PDE1C: variants seen among roughly 807,000 people sequenced by gnomAD.
PDE1C encodes the protein dual specificity calcium/calmodulin-dependent 3',5'-cyclic nucleotide phosphodiesterase 1C.
In PDE1C, 62 loss-of-function variants were observed where a neutral mutation model predicts 93.1. That is an observed-to-expected ratio of 0.67 (90% CI 0.54 to 0.82). PDE1C has a LOEUF of 0.82. Ranked by LOEUF, PDE1C falls within the 40% of genes least tolerant of loss-of-function variation. The pLI, the probability that PDE1C is intolerant of heterozygous loss-of-function variation, is 0.00. For missense variants in PDE1C, 742 were observed against 884.6 expected, an observed-to-expected ratio of 0.84 and a Z score of 2.04; for synonymous variants, 325 against 310.1, an observed-to-expected ratio of 1.05 and a Z score of -0.50.
At chr7:32,174,746 G>A (rs1802874151) in intron 2 of PDE1C, among the ~76,000 whole-genome samples, 1 of 152,130 alleles carries the variant, frequency 6.6e-6, no homozygotes, top group South Asian at 2.1e-4. Flanking sequence ...GCAAGGTTGT[G>A]GTGACACAGC....
exon 1 of PDE1C, chr7:32,298,800 G>T: frequency 6.5e-7 from 1 of 1,532,180 alleles, no homozygotes; most frequent in Non-Finnish European, 8.7e-7. Context: ...CCCCCACGGC[G>T]GAGTGAGCAG....
the PDE1C span, among the ~76,000 whole-genome samples, chr7:31,692,085 C>A: frequency 6.6e-6 from 1 of 152,194 alleles, no homozygotes; most frequent in Non-Finnish European, 1.5e-5. Context: ...TGACTCTCAG[C>A]TAATTCACTT....
intron 3 of PDE1C, among the ~76,000 whole-genome samples, chr7:32,103,584 A>G (rs1281229195): frequency 6.6e-6 from 1 of 152,214 alleles, no homozygotes; most frequent in Non-Finnish European, 1.5e-5. Context: ...AAGTTGCTCA[A>G]CTGCCCTACA....
At chr7:32,332,465 T>A (rs1216976657) in intron 1 of PDE1C, among the ~76,000 whole-genome samples, 4 of 151,836 alleles carry the variant, frequency 2.6e-5, no homozygotes, top group African/African-American at 4.9e-5. Context: ...TTTTTTTTTT[T>A]AATTTGGCTT....
At chr7:32,067,564 C>T (rs190657001) in intron 1 of PDE1C, among the ~76,000 whole-genome samples, 30 of 152,234 alleles carry the variant, frequency 2.0e-4, no homozygotes, top group Non-Finnish European at 3.4e-4. Flanking sequence ...CTGGTAAAGA[C>T]TACCTCTCAC....
At chr7:32,308,384 G>C (rs957151021) in intron 1 of PDE1C, among the ~76,000 whole-genome samples, 10 of 152,254 alleles carry the variant, frequency 6.6e-5, no homozygotes, top group African/African-American at 2.2e-4. Context: ...GAAGAGAGTA[G>C]TGGTTCTCCC....
intron 3 of PDE1C, among the ~76,000 whole-genome samples, chr7:32,148,409 T>G (rs1801041246): frequency 6.6e-6 from 1 of 152,192 alleles, no homozygotes; most frequent in African/African-American, 2.4e-5. Flanking sequence ...TAATTTACAC[T>G]TACAGTGTAT....
chr7:32,006,707 G>A (rs538863641), intron 2 of PDE1C, among the ~76,000 whole-genome samples: 4 of 152,246 alleles, frequency 2.6e-5, no homozygotes, highest in African/African-American at 7.2e-5. Flanking sequence ...GGCAAGCTGG[G>A]TATGGAAGAA....
At chr7:32,336,559 G>A (rs1562679790) in intron 1 of PDE1C, among the ~76,000 whole-genome samples, 1 of 152,080 alleles carries the variant, frequency 6.6e-6, no homozygotes, top group Admixed American at 6.5e-5. Context: ...TCTCTTAACT[G>A]GGAGTTCACT....
At position 32,147,883 on chromosome 7, in the gene PDE1C, G is replaced by A. The variant is rs180746077; in HGVS notation, c.308+21902C>T. ...CTGATGCCATTGGGAGTTGGGGGAAGCCATTATACTCCCTAATAACAGGCC... is the reference window on the plus strand; with the variant it reads ...CTGATGCCATTGGGAGTTGGGGGAAACCATTATACTCCCTAATAACAGGCC... On this transcript the variant is annotated intron_variant, in intron 3 of 18. Coordinates refer to the PDE1C transcript ENST00000396193. Among the ~76,000 whole-genome samples the A allele has an allele frequency of 1.6e-3, 234 of 147,062 alleles. 1 individual carries two copies. Among genetic ancestry groups the A allele is most frequent in the Non-Finnish European group, 2.7e-3 (182 of 67,560 alleles).
chr7:32,329,730 CT>C (rs970537605), intron 1 of PDE1C, among the ~76,000 whole-genome samples: 4 of 152,182 alleles, frequency 2.6e-5, no homozygotes, highest in African/African-American at 9.6e-5. Context: ...TTTGTTATTT[CT>C]TTTTCCCTTT....
intron 3 of PDE1C, among the ~76,000 whole-genome samples, chr7:32,112,810 G>C (rs1425667363): frequency 1.5e-5 from 1 of 68,454 alleles, no homozygotes; most frequent in Middle Eastern, 0.01. Context: ...ATATATGTGT[G>C]TGTGTGTGTG....
At chr7:31,901,524 G>A (rs137898746) in intron 2 of PDE1C, among the ~76,000 whole-genome samples, 3 of 151,150 alleles carry the variant, frequency 2.0e-5, no homozygotes, top group East Asian at 3.9e-4. Flanking sequence ...ATTTTTGGAT[G>A]GAAAAGCTTA....
chr7:32,277,683 T>C (rs1585067023), intron 1 of PDE1C, among the ~76,000 whole-genome samples: 1 of 152,288 alleles, frequency 6.6e-6, no homozygotes, highest in Non-Finnish European at 1.5e-5. Flanking sequence ...AGAAAGATGC[T>C]TCAAACCTCC....
chr7:31,642,683 T>C, the PDE1C span: 2 of 1,613,004 alleles, frequency 1.2e-6, no homozygotes, highest in South Asian at 1.1e-5. Context: ...CCCCTACAGA[T>C]GCCTTCCTTG....
the PDE1C span, among the ~76,000 whole-genome samples, chr7:31,677,717 G>A: frequency 6.6e-6 from 1 of 152,124 alleles, no homozygotes; most frequent in Non-Finnish European, 1.5e-5. Flanking sequence ...TTTCTCTAAA[G>A]TCAGGAACAA....
the PDE1C span, among the ~76,000 whole-genome samples, chr7:31,625,243 T>A: frequency 1.3e-5 from 2 of 150,008 alleles, no homozygotes; most frequent in African/African-American, 4.9e-5. Context: ...GAATTACAAA[T>A]ACCATTTGAC....
intron 15 of PDE1C, among the ~76,000 whole-genome samples, chr7:31,813,444 A>G (rs79500257): frequency 0.027 from 4,135 of 152,194 alleles, 69 homozygotes; most frequent in East Asian, 0.068. Context: ...AAGCCCATGT[A>G]TTCAGCAGAC....
intron 15 of PDE1C, 151 bp from the exon 16 acceptor site, chr7:31,809,259 C>CGTTAGGTCCT: frequency 1.9e-6 from 1 of 535,240 alleles, no homozygotes; most frequent in Non-Finnish European, 3.4e-6. Context: ...TTTGTAATCA[C>CGTTAGGTCCT]GTTAGGTCCT....
Sources: gnomAD v4.1 joint callset for allele counts (sites outside exome capture counted in the v4.1 genomes callset) on GRCh38, gnomAD v4.1.1 for gene constraint, MANE v1.5 for transcripts, NCBI Gene and HGNC (gene_info 2026-07-23, HGNC 2026-07-21) for gene names.